Variants in SLC35B3 observed in about 807,000 individuals in gnomAD.
SLC35B3 encodes the protein solute carrier family 35 member B3, also known as adenosine 3'-phospho 5'-phosphosulfate transporter 2.
In SLC35B3, 35 loss-of-function variants were observed where a neutral mutation model predicts 44.1. The observed-to-expected ratio is 0.79, with a 90% CI of 0.61 to 1.05. SLC35B3 has a LOEUF of 1.05. SLC35B3 is among the 50% of genes least tolerant of loss of function. The pLI, the probability that SLC35B3 is intolerant of heterozygous loss-of-function variation, is 0.00. For synonymous variants in SLC35B3, 146 were observed against 167.3 expected, an observed-to-expected ratio of 0.87 and a Z score of 0.98; for missense variants, 414 against 476.4, an observed-to-expected ratio of 0.87 and a Z score of 1.22.
intron 4 of SLC35B3, among the ~76,000 whole-genome samples, chr6:8,425,894 G>A (rs1253765970): frequency 6.6e-6 from 1 of 152,108 alleles, no homozygotes; most frequent in African/African-American, 2.4e-5. Flanking sequence ...TATAATCAGA[G>A]ACTAAGTTTT....
chr6:8,427,933 A>G lies in SLC35B3; in HGVS notation c.419+4T>C, dbSNP rs1763585695. ...ATATCAAAAAATAAAAACAAACCAC[A>G]TACCTCCTCCTTTTGTCCTGAATAA... On this transcript the variant is annotated splice_donor_region_variant and intron_variant, in intron 4 of 10. Coordinates refer to ENST00000644923, the MANE Select transcript of SLC35B3 (RefSeq NM_001370476.2). 3 of 1,606,864 alleles carry G rather than the reference A, an allele frequency of 1.9e-6. No homozygotes were observed. The highest frequency in any genetic ancestry group is 2.5e-6 in the Non-Finnish European group (3 of 1,176,886).
At chr6:8,428,798 T>C (rs2113495641) in intron 3 of SLC35B3, among the ~76,000 whole-genome samples, 1 of 152,304 alleles carries the variant, frequency 6.6e-6, no homozygotes, top group East Asian at 1.9e-4. Context: ...CAAGAAATTC[T>C]AATCTCTATT....
At chr6:8,425,122 G>A (rs923481158) in intron 4 of SLC35B3, among the ~76,000 whole-genome samples, 7 of 152,244 alleles carry the variant, frequency 4.6e-5, no homozygotes, top group Admixed American at 2.0e-4. Context: ...TTATGGTCAC[G>A]TGATTTAAAA....
intron 4 of SLC35B3, among the ~76,000 whole-genome samples, chr6:8,423,178 G>A (rs1433644322): frequency 6.6e-6 from 1 of 151,986 alleles, no homozygotes; most frequent in African/African-American, 2.4e-5. Flanking sequence ...AATGGTAAAA[G>A]GTACCTTAAC....
intron 2 of SLC35B3, among the ~76,000 whole-genome samples, chr6:8,431,585 G>A (rs3823109): frequency 0.5 from 75,343 of 151,992 alleles, 19,530 homozygotes; most frequent in African/African-American, 0.66. Context: ...AGTTTACTGT[G>A]TTCCTCTTGT....
chr6:8,432,920 C>G lies in SLC35B3; in HGVS notation c.3+1465G>C, dbSNP rs1561767575. ...CTTCTTTGATACCTCTACTCATAAG[C>G]TCTGCTGGCACTTCATATTTAAAAT... On this transcript the variant is annotated intron_variant, in intron 2 of 10. Coordinates refer to ENST00000644923, the MANE Select transcript of SLC35B3 (RefSeq NM_001370476.2). This position sits in a 1 kb window ranked among gnomAD's most constrained non-coding sequence, Gnocchi z 4.8. 6.6e-6 allele frequency among the ~76,000 whole-genome samples: 1 copy of G among 152,182 alleles called. No homozygotes were observed. Among genetic ancestry groups the G allele is most frequent in the South Asian group, 2.1e-4 (1 of 4,830 alleles).
At chr6:8,431,358 T>C (rs1763967322) in intron 2 of SLC35B3, among the ~76,000 whole-genome samples, 1 of 152,226 alleles carries the variant, frequency 6.6e-6, no homozygotes, top group Admixed American at 6.5e-5. Flanking sequence ...GGTAATGTTT[T>C]TTTAAACTGT....
chr6:8,415,453 A>G (rs1015345304), intron 9 of SLC35B3, among the ~76,000 whole-genome samples: 1 of 152,184 alleles, frequency 6.6e-6, no homozygotes, highest in African/African-American at 2.4e-5. Context: ...TGTCCTTTGA[A>G]GTACTACACT....
Position 8,422,559 on chromosome 6 carries a change from G to A in SLC35B3, c.485C>T (p.Thr162Ile). Residue 162 changes from threonine to isoleucine, a missense_variant, in exon 5 of 11, where the codon ACT becomes ATT. Transcript: ENST00000644923. ...AGGGTAATTCAGGTAGCCCAAGGAA[G>A]TGTTTGATAACCCCATAGTACCCAC... 1 of 1,613,260 alleles carries A rather than the reference G, an allele frequency of 6.2e-7. No individual in the cohort carries two copies. The highest frequency in any genetic ancestry group is 2.2e-5 in the East Asian group (1 of 44,828).
intron 7 of SLC35B3, among the ~76,000 whole-genome samples, chr6:8,418,551 T>C (rs1281939171): frequency 1.8e-5 from 2 of 109,690 alleles, no homozygotes; most frequent in Admixed American, 1.8e-4. Context: ...AAGACACTAC[T>C]TGCAAAAAAA....
Position 8,413,608 on chromosome 6 carries a change from C to G in SLC35B3, c.1147G>C (p.Asp383His). The G allele has an allele frequency of 6.2e-7, 1 of 1,607,106 alleles. No homozygotes were observed. The highest frequency in any genetic ancestry group is 8.5e-7 in the Non-Finnish European group (1 of 1,176,498). Residue 383 changes from aspartate to histidine, a missense_variant, in exon 11 of 11, where the codon GAT becomes CAT. Transcript: ENST00000644923. ...GCTTCCACTGATTTGTTTATCAAAT[C>G]ATACAGTGATGGTAGTCTTATTTTA...
intron 10 of SLC35B3, among the ~76,000 whole-genome samples, chr6:8,414,226 A>C (rs552729608): frequency 4.1e-4 from 63 of 152,304 alleles, no homozygotes; most frequent in African/African-American, 1.5e-3. Context: ...TTTATAGACA[A>C]ATAATAATCT....
chr6:8,435,062 T>C lies in SLC35B3; in HGVS notation c.-44+281A>G, dbSNP rs4960409. ...CCCCGAGAACAGCGTAAAAGACCCC[T>C]TGAGGTCACCTCACCCCTGCGAGTC... On this transcript the variant is annotated intron_variant, in intron 1 of 10. Coordinates refer to ENST00000644923, the MANE Select transcript of SLC35B3 (RefSeq NM_001370476.2). The surrounding 1 kb of genome is among the most constrained non-coding windows in gnomAD (Gnocchi z 5.5). The C allele has an allele frequency of 0.43, 519,425 of 1,205,670 alleles. 114,900 individuals are homozygous for C. Among genetic ancestry groups the C allele is most frequent in the African/African-American group, 0.67 (42,291 of 62,726 alleles). The allele number at this position is 1,205,670 out of a possible 1,614,324, so 74.7% of individuals were successfully genotyped here.
In SLC35B3 at chr6:8,429,911, A is replaced by G; in HGVS notation, c.250T>C (p.Cys84Arg). 2 of 1,608,756 alleles carry G rather than the reference A, an allele frequency of 1.2e-6. No individual in the cohort carries two copies. Among genetic ancestry groups the G allele is most frequent in the South Asian group, 1.1e-5 (1 of 89,984 alleles). The change falls in exon 3 of 11, where the codon TGT becomes CGT. Residue 84 changes from cysteine (C) to arginine (R), a missense_variant. By Grantham distance (180) the Cys-to-Arg change is radical. Transcript: ENST00000644923. Reference sequence around the variant, plus strand: ...TAAAATACAAAAACTCCAGCAACACATATGAAAAACTGAGTAAGTTTGTTA... The same window carrying G: ...TAAAATACAAAAACTCCAGCAACACGTATGAAAAACTGAGTAAGTTTGTTA...
Position 8,411,878 on chromosome 6 carries a change from A to T in SLC35B3, c.*1671T>A, listed in dbSNP as rs1367844793. 6.6e-6 allele frequency among the ~76,000 whole-genome samples: 1 copy of T among 152,228 alleles called. No individual in the cohort carries two copies. Among genetic ancestry groups the T allele is most frequent in the Non-Finnish European group, 1.5e-5 (1 of 68,030 alleles). On this transcript the variant is annotated 3_prime_UTR_variant, in exon 11 of 11. Coordinates refer to ENST00000644923, the MANE Select transcript of SLC35B3 (RefSeq NM_001370476.2). ...CGAAGAATAACAGTATTTTTAAAAAATACAATAGAAGCAATTCTAAAAATC... is the reference window on the plus strand; with the variant it reads ...CGAAGAATAACAGTATTTTTAAAAATTACAATAGAAGCAATTCTAAAAATC...
Position 8,419,316 on chromosome 6 carries a change from T to C in SLC35B3, c.780+264A>G, listed in dbSNP as rs1416787797. ...AAAAATACTACCCACTAGAAAGAGA[T>C]GAGAGAAAGGATATAACAAAAGATT... is the stretch of plus-strand genomic sequence containing the variant. On this transcript the variant is annotated intron_variant, in intron 7 of 10. Coordinates refer to ENST00000644923, the MANE Select transcript of SLC35B3 (RefSeq NM_001370476.2). This position sits in a 1 kb window ranked among gnomAD's most constrained non-coding sequence, Gnocchi z 4.3. Among the ~76,000 whole-genome samples, 4 of 151,852 alleles carry C rather than the reference T, an allele frequency of 2.6e-5. No homozygotes were observed. The highest frequency in any genetic ancestry group is 4.4e-5 in the Non-Finnish European group (3 of 67,884).
At chr6:8,423,444 T>C (rs1271117463) in intron 4 of SLC35B3, among the ~76,000 whole-genome samples, 2 of 152,180 alleles carry the variant, frequency 1.3e-5, no homozygotes, top group Non-Finnish European at 2.9e-5. Context: ...CTTTTAACTT[T>C]GGCTCTATCT....
intron 4 of SLC35B3, among the ~76,000 whole-genome samples, chr6:8,424,307 C>A (rs1763212888): frequency 6.6e-6 from 1 of 152,122 alleles, no homozygotes; most frequent in East Asian, 1.9e-4. Context: ...GGCTGGAGTG[C>A]AGTGGCGCCA....
chr6:8,425,232 T>C (rs919064013), intron 4 of SLC35B3, among the ~76,000 whole-genome samples: 3 of 152,202 alleles, frequency 2.0e-5, no homozygotes, highest in African/African-American at 7.2e-5. Flanking sequence ...ATCATCATTG[T>C]ATCATTTTTC....
Sources: gnomAD v4.1 joint callset for allele counts (sites outside exome capture counted in the v4.1 genomes callset) on GRCh38, gnomAD v4.1.1 for gene constraint, Gnocchi (gnomAD v3.1) non-coding constraint, MANE v1.5 for transcripts, NCBI Gene and HGNC (gene_info 2026-07-23, HGNC 2026-07-21) for gene names.